Variants in ARHGAP24 observed in about 807,000 individuals in gnomAD.
ARHGAP24 encodes the protein Rho GTPase activating protein 24.
In ARHGAP24, 50 loss-of-function variants were observed where a neutral mutation model predicts 76.4. That is an observed-to-expected ratio of 0.65 (90% CI 0.52 to 0.83). ARHGAP24 has a LOEUF of 0.83. ARHGAP24 is among the 40% of genes least tolerant of loss of function. The pLI, the probability that ARHGAP24 is intolerant of heterozygous loss-of-function variation, is 0.00. For missense variants in ARHGAP24, 930 were observed against 914.2 expected (o/e 1.02, Z -0.22); for synonymous variants, 345 against 323.3 (o/e 1.07, Z -0.72).
chr4:85,764,004 G>A (rs1215829198), intron 3 of ARHGAP24, among the ~76,000 whole-genome samples: 6 of 151,954 alleles, frequency 3.9e-5, no homozygotes, highest in African/African-American at 1.2e-4. Flanking sequence ...TATTTTTAAT[G>A]TTAATTTTCC....
intron 3 of ARHGAP24, among the ~76,000 whole-genome samples, chr4:85,898,076 T>C (rs1478292218): frequency 3.3e-5 from 5 of 149,338 alleles, no homozygotes; most frequent in Non-Finnish European, 7.4e-5. Context: ...TTTTTATTGG[T>C]TAGGATGTTT....
At chr4:85,673,117 C>T (rs1471719815) in intron 2 of ARHGAP24, among the ~76,000 whole-genome samples, 1 of 152,130 alleles carries the variant, frequency 6.6e-6, no homozygotes, top group Non-Finnish European at 1.5e-5. Context: ...TAAGCATGAG[C>T]TTGCACAAAG....
intron 3 of ARHGAP24, among the ~76,000 whole-genome samples, chr4:85,867,036 A>G (rs760720657): frequency 3.9e-5 from 6 of 152,108 alleles, no homozygotes; most frequent in Non-Finnish European, 7.4e-5. Context: ...TGTACTCTAT[A>G]TGAATTTTAG....
At position 85,813,788 on chromosome 4, in the gene ARHGAP24, CTTAG is replaced by C. The variant is rs1729111675; in HGVS notation, c.268+91820_268+91823del. Among the ~76,000 whole-genome samples the C allele has an allele frequency of 2.2e-5, 3 of 139,530 alleles. No individual in the cohort carries two copies. The South Asian group carries it at 6.6e-4, about 31-fold the overall frequency. The allele number at this position is 139,530 out of a possible 152,430, so 91.5% of individuals were successfully genotyped here. The stretch of plus-strand genomic sequence containing the variant: ...TCAAGCTAATTAGCATATCCATCAA[CTTAG>C]TTATATAAATATATATATATTTATT... On this transcript the variant is annotated intron_variant, in intron 3 of 9. Transcript: ENST00000395184.
At chr4:85,973,991 C>T (rs577022065) in intron 6 of ARHGAP24, among the ~76,000 whole-genome samples, 1,991 of 149,366 alleles carry the variant, frequency 0.013, 15 homozygotes, top group Non-Finnish European at 0.02. Context: ...TACAGGCGCC[C>T]GCCACCAAGC....
chr4:85,525,274 T>TTA (rs397820267), intron 1 of ARHGAP24, among the ~76,000 whole-genome samples: 9 of 150,494 alleles, frequency 6.0e-5, no homozygotes, highest in African/African-American at 2.2e-4. Flanking sequence ...TTTTTTTTTT[T>TTA]ACCGTAGCTC....
At chr4:85,911,185 C>T (rs896359452) in intron 3 of ARHGAP24, among the ~76,000 whole-genome samples, 2 of 152,170 alleles carry the variant, frequency 1.3e-5, no homozygotes, top group Admixed American at 1.3e-4. Context: ...CCTGGGTCTG[C>T]AGCCTGGTTT....
chr4:85,963,123 C>T (rs1376973663), intron 5 of ARHGAP24, among the ~76,000 whole-genome samples: 2 of 151,918 alleles, frequency 1.3e-5, no homozygotes, highest in Non-Finnish European at 2.9e-5. Flanking sequence ...AATGTCAATA[C>T]TTGTTCTAAA....
intron 3 of ARHGAP24, among the ~76,000 whole-genome samples, chr4:85,769,036 T>C (rs1169059157): frequency 6.6e-6 from 1 of 152,118 alleles, no homozygotes; most frequent in Non-Finnish European, 1.5e-5. Flanking sequence ...TATTGCTTAA[T>C]GGTCAAATAG....
intron 3 of ARHGAP24, among the ~76,000 whole-genome samples, chr4:85,917,404 T>C (rs1235578556): frequency 3.3e-5 from 5 of 151,800 alleles, no homozygotes; most frequent in African/African-American, 1.2e-4. Context: ...GCAGCATGAT[T>C]TATAGTCCTT....
chr4:85,779,037 C>A (rs974722282), intron 3 of ARHGAP24: 1 of 958,336 alleles, frequency 1.0e-6, no homozygotes, highest in African/African-American at 1.8e-5. Context: ...GTCATTTGAC[C>A]TTTTTTTCCT....
chr4:85,929,306 T>C (rs1736189080), intron 4 of ARHGAP24, among the ~76,000 whole-genome samples: 1 of 152,214 alleles, frequency 6.6e-6, no homozygotes, highest in Non-Finnish European at 1.5e-5. Flanking sequence ...TGACAAAAGA[T>C]TACCTACATG....
At chr4:85,775,641 A>T (rs1727284896) in intron 3 of ARHGAP24, among the ~76,000 whole-genome samples, 1 of 152,158 alleles carries the variant, frequency 6.6e-6, no homozygotes, top group Non-Finnish European at 1.5e-5. Context: ...TGGAGCTACA[A>T]TTCAAGATGA....
At chr4:85,489,854 C>T (rs182520845) in intron 1 of ARHGAP24, among the ~76,000 whole-genome samples, 3 of 152,210 alleles carry the variant, frequency 2.0e-5, no homozygotes, top group East Asian at 1.9e-4. Flanking sequence ...AAGTAACACT[C>T]GGACCAAATA....
chr4:85,937,273 A>G (rs1004717701), intron 4 of ARHGAP24, among the ~76,000 whole-genome samples: 1 of 152,216 alleles, frequency 6.6e-6, no homozygotes, highest in African/African-American at 2.4e-5. Flanking sequence ...GTTGATTCTC[A>G]GATGGCACTT....
intron 1 of ARHGAP24, among the ~76,000 whole-genome samples, chr4:85,517,068 A>T (rs1724537710): frequency 6.6e-6 from 1 of 152,114 alleles, no homozygotes. Context: ...TTTATCATGT[A>T]ACAAGTTTCC....
intron 3 of ARHGAP24, among the ~76,000 whole-genome samples, chr4:85,865,318 A>G (rs1732132517): frequency 6.6e-6 from 1 of 151,850 alleles, no homozygotes; most frequent in South Asian, 2.1e-4. Context: ...GGTAAAATCA[A>G]TTGTTCTTGG....
chr4:85,875,018 TAAAA>T (rs1170699128), intron 3 of ARHGAP24, among the ~76,000 whole-genome samples: 1 of 104,294 alleles, frequency 9.6e-6, no homozygotes, highest in African/African-American at 4.0e-5. Context: ...ATAAGTTATA[TAAAA>T]TATTTATATA....
chr4:85,785,694 C>A (rs1198804699), intron 3 of ARHGAP24, among the ~76,000 whole-genome samples: 1 of 152,106 alleles, frequency 6.6e-6, no homozygotes, highest in African/African-American at 2.4e-5. Context: ...TGACACCAGG[C>A]TGCCTCATTT....
Sources: allele counts gnomAD v4.1 joint callset (sites outside exome capture counted in the v4.1 genomes callset), GRCh38; gene constraint gnomAD v4.1.1; transcripts MANE v1.5; gene names NCBI Gene and HGNC (gene_info 2026-07-23, HGNC 2026-07-21).